ACACB: variants seen among roughly 807,000 people sequenced by gnomAD.
ACACB encodes the protein acetyl-CoA carboxylase beta.
In ACACB, 209 loss-of-function variants were observed where a neutral mutation model predicts 278.8. The observed-to-expected ratio is 0.75, with a 90% confidence interval of 0.67 to 0.84. The LOEUF is 0.84. Ranked by LOEUF, ACACB falls within the 40% of genes least tolerant of loss-of-function variation. The pLI is 0.00. For synonymous variants in ACACB, 1,174 were observed against 1,285.6 expected (o/e 0.91, Z 1.86); for missense variants, 2,850 against 3,269.0 (o/e 0.87, Z 3.13).
chr12:109,215,095 C>CA (rs1593596995), intron 22 of ACACB, among the ~76,000 whole-genome samples: 2 of 142,006 alleles, frequency 1.4e-5, no homozygotes, highest in African/African-American at 2.6e-5. Flanking sequence ...AACCTCGTCT[C>CA]AAAAAAAAGA....
intron 1 of ACACB, among the ~76,000 whole-genome samples, chr12:109,136,599 T>C (rs1406165345): frequency 6.6e-6 from 1 of 152,266 alleles, no homozygotes; most frequent in Non-Finnish European, 1.5e-5. Flanking sequence ...TTTTGAATGC[T>C]ATTATAAATG....
intron 2 of ACACB, among the ~76,000 whole-genome samples, chr12:109,140,876 T>C (rs1006742517): frequency 6.7e-6 from 1 of 148,290 alleles, no homozygotes; most frequent in African/African-American, 2.5e-5. Context: ...TGAAGAGACA[T>C]TGATTCATTC....
At chr12:109,115,309 T>A (rs956866769), upstream of ACACB, among the ~76,000 whole-genome samples, 1 of 152,184 alleles carries the variant, frequency 6.6e-6, no homozygotes, top group African/African-American at 2.4e-5. Flanking sequence ...AGCCTAATAG[T>A]CCTGCCACTG....
At chr12:109,184,788 A>AT (rs1234778285) in intron 11 of ACACB, among the ~76,000 whole-genome samples, 1 of 150,762 alleles carries the variant, frequency 6.6e-6, no homozygotes, top group Non-Finnish European at 1.5e-5. Context: ...CTCACTACAG[A>AT]TTCAACCTCC....
intron 24 of ACACB, among the ~76,000 whole-genome samples, chr12:109,218,524 G>A (rs923317382): frequency 4.6e-5 from 7 of 151,620 alleles, no homozygotes; most frequent in African/African-American, 4.8e-5. Flanking sequence ...GCGCCTGGCC[G>A]ATAATAGCAG....
At chr12:109,258,438 C>T in intron 46 of ACACB, 74 bp downstream of exon 46, 1 of 1,222,784 alleles carries the variant, frequency 8.2e-7, no homozygotes, top group Admixed American at 2.0e-5. Flanking sequence ...GCGTGGGGGT[C>T]CCATCCCTGC....
chr12:109,167,072 T>C, intron 3 of ACACB, 79 bp downstream of exon 3: 1 of 1,592,692 alleles, frequency 6.3e-7, no homozygotes, highest in Non-Finnish European at 8.6e-7. Context: ...GGTGGGAGAT[T>C]CGGGTTCAGG....
intron 1 of ACACB, among the ~76,000 whole-genome samples, chr12:109,130,802 CCT>C (rs944951060): frequency 2.0e-5 from 3 of 152,148 alleles, no homozygotes; most frequent in Non-Finnish European, 2.9e-5. Flanking sequence ...CTGACCACCC[CCT>C]CTTTGTCCCG....
chr12:109,185,606 C>T lies in ACACB; in HGVS notation c.1846C>T (p.Leu616=), dbSNP rs760103916. Residue 616 remains leucine, a synonymous_variant, in exon 12 of 53, where the codon CTG becomes TTG. Transcript: ENST00000338432. ...QIAMGVPLHR[L]KDIRLLYGES... is the part of the protein sequence containing the mutation. ...CGCCATGGGCGTGCCACTGCACCGG[C>T]TGAAGGATATCCGGCTTCTGTATGG... is the stretch of plus-strand genomic sequence containing the variant. 1 of 1,613,934 alleles carries T rather than the reference C, an allele frequency of 6.2e-7. No homozygotes were observed. The highest frequency in any genetic ancestry group is 1.1e-5 in the South Asian group (1 of 91,064).
At position 109,218,817 on chromosome 12, in the gene ACACB, G is replaced by A. The variant is rs1160511630; in HGVS notation, c.3564+1897G>A. Among the ~76,000 whole-genome samples, 3 of 149,026 alleles carry A rather than the reference G, an allele frequency of 2.0e-5. No homozygotes were observed. In the East Asian group the frequency reaches 5.9e-4, roughly 30 times the overall value. The stretch of plus-strand genomic sequence containing the variant: ...AGAGTCTCACTCTATCCCCCAGGCT[G>A]GAGTGCAGTGGCACGATCTCTGTTC... On this transcript the variant is annotated intron_variant, in intron 24 of 52. Transcript: ENST00000338432.
chr12:109,159,302 G>A (rs1039003160), intron 2 of ACACB, among the ~76,000 whole-genome samples: 2 of 152,224 alleles, frequency 1.3e-5, no homozygotes, highest in Non-Finnish European at 1.5e-5. Context: ...GCTCTTAGCA[G>A]TGCGGGTAGC....
At chr12:109,150,982 C>CTTTTTTTTTTTTTTTTTT (rs201382181) in intron 2 of ACACB, among the ~76,000 whole-genome samples, 1 of 137,328 alleles carries the variant, frequency 7.3e-6, no homozygotes. Flanking sequence ...TTTTTTCTTT[C>CTTTTTTTTTTTTTTTTTT]TTTTTTTTTT....
At chr12:109,159,444 G>C (rs910386108) in intron 2 of ACACB, among the ~76,000 whole-genome samples, 5 of 152,250 alleles carry the variant, frequency 3.3e-5, no homozygotes, top group Non-Finnish European at 7.3e-5. Context: ...GGTAGCTAAA[G>C]TGTTGCAAGC....
At position 109,139,831 on chromosome 12, in the gene ACACB, G is replaced by A; in HGVS notation, c.426G>A (p.Gln142=). Residue 142 remains glutamine, a synonymous_variant, in exon 2 of 53, where the codon CAG becomes CAA. Coordinates refer to ENST00000338432, the MANE Select transcript of ACACB (RefSeq NM_001093.4). ...CCTCCTCAGCCAGGCCCCAGGGCCAGCAAGCTGGCTCCCCCTCCAAAGAAG... is the reference window on the plus strand; with the variant it reads ...CCTCCTCAGCCAGGCCCCAGGGCCAACAAGCTGGCTCCCCCTCCAAAGAAG... The part of the protein sequence containing the change: ...GLSSSARPQG[Q]QAGSPSKEDK... The A allele has an allele frequency of 6.2e-7, 1 of 1,614,182 alleles. No homozygotes were observed. Among genetic ancestry groups the A allele is most frequent in the Admixed American group, 1.7e-5 (1 of 60,028 alleles).
At chr12:109,201,083 C>T (rs1463836918) in intron 18 of ACACB, among the ~76,000 whole-genome samples, 2 of 152,228 alleles carry the variant, frequency 1.3e-5, no homozygotes, top group Admixed American at 6.5e-5. Flanking sequence ...GCTCATGCCA[C>T]GCACGTATCC....
chr12:109,199,031 CA>C, intron 17 of ACACB, among the ~76,000 whole-genome samples: 1 of 150,404 alleles, frequency 6.6e-6, no homozygotes, highest in African/African-American at 2.4e-5. Context: ...ACTAAAAATA[CA>C]AAAAAAAATT....
intron 21 of ACACB, among the ~76,000 whole-genome samples, chr12:109,210,435 GCA>G (rs1182868258): frequency 2.5e-5 from 3 of 118,228 alleles, no homozygotes; most frequent in African/African-American, 1.1e-4. Flanking sequence ...GTATATACAC[GCA>G]CATACATGTG....
Position 109,166,673 on chromosome 12 carries a change from A to AAAAAAAAAAAAAAAG in ACACB, c.654-184_654-183insAAAAAAAAAAGAAAA, listed in dbSNP as rs2043913695. On this transcript the variant is annotated intron_variant, in intron 2 of 52. Transcript: ENST00000338432. ...TCAAAAAAAAAAAAAAAAAAAAAAA[A>AAAAAAAAAAAAAAAG]AAAACCGAAGGTGCTTCCTGCCCTT... Among the ~76,000 whole-genome samples the AAAAAAAAAAAAAAAG allele has an allele frequency of 1.5e-5, 2 of 134,028 alleles. 1 individual carries two copies. Among genetic ancestry groups the AAAAAAAAAAAAAAAG allele is most frequent in the Non-Finnish European group, 3.4e-5 (2 of 58,006 alleles). The allele number at this position is 134,028 out of a possible 152,430, so 87.9% of individuals were successfully genotyped here.
At chr12:109,262,010 G>A (rs2047391718) in intron 48 of ACACB, among the ~76,000 whole-genome samples, 1 of 152,084 alleles carries the variant, frequency 6.6e-6, no homozygotes, top group Non-Finnish European at 1.5e-5. Context: ...CCCTCCTCTA[G>A]GAGGGCAGAA....
Sources: gnomAD v4.1 joint callset for allele counts (sites outside exome capture counted in the v4.1 genomes callset) on GRCh38, gnomAD v4.1.1 for gene constraint, MANE v1.5 for transcripts, NCBI Gene and HGNC (gene_info 2026-07-23, HGNC 2026-07-21) for gene names.